Variants in SYT1 observed in about 807,000 individuals in gnomAD.
SYT1 encodes synaptotagmin 1.
A neutral mutation model predicts 44.8 loss-of-function variants in SYT1; 8 were observed. The observed-to-expected ratio is 0.18, with a 90% CI of 0.10 to 0.32. The LOEUF (loss-of-function observed/expected upper bound fraction) is 0.32, where lower values mean the gene tolerates loss of function less well. Ranked by LOEUF, SYT1 falls within the 10% of genes least tolerant of loss-of-function variation. The pLI is 1.00. For missense variants in SYT1, 286 were observed against 509.3 expected, an observed-to-expected ratio of 0.56 and a Z score of 4.22; for synonymous variants, 154 against 188.8, an observed-to-expected ratio of 0.82 and a Z score of 1.51.
intron 2 of SYT1, among the ~76,000 whole-genome samples, chr12:79,013,596 T>C (rs145549599): frequency 6.6e-6 from 1 of 152,188 alleles, no homozygotes; most frequent in South Asian, 2.1e-4. Flanking sequence ...TTTCACTATA[T>C]TTCCTGCGTT....
At chr12:78,878,638 A>G (rs1874297230) in intron 1 of SYT1, among the ~76,000 whole-genome samples, 1 of 151,794 alleles carries the variant, frequency 6.6e-6, no homozygotes, top group Admixed American at 6.6e-5. Context: ...AGAATTGAGT[A>G]CCATCTAGTT....
chr12:78,953,854 G>T (rs1049813869), intron 1 of SYT1, among the ~76,000 whole-genome samples: 1 of 151,972 alleles, frequency 6.6e-6, no homozygotes, highest in Non-Finnish European at 1.5e-5. Context: ...CACTAAACTG[G>T]TTTGCTTTGG....
chr12:79,185,566 A>G (rs1162796020), intron 3 of SYT1, among the ~76,000 whole-genome samples: 1 of 152,058 alleles, frequency 6.6e-6, no homozygotes, highest in African/African-American at 2.4e-5. Context: ...CATCTTTATT[A>G]GAGACAAAAG....
intron 8 of SYT1, among the ~76,000 whole-genome samples, chr12:79,351,247 ACT>A (rs1317378942): frequency 6.6e-6 from 1 of 152,096 alleles, no homozygotes; most frequent in Admixed American, 6.5e-5. Flanking sequence ...CTGTACAAAT[ACT>A]CTCTTCTGAA....
intron 1 of SYT1, among the ~76,000 whole-genome samples, chr12:78,896,424 A>G (rs1049835258): frequency 6.6e-6 from 1 of 151,832 alleles, no homozygotes; most frequent in African/African-American, 2.4e-5. Flanking sequence ...TCTGTTGAAC[A>G]AATGAGAAAA....
intron 3 of SYT1, among the ~76,000 whole-genome samples, chr12:79,187,717 C>CT (rs1260959990): frequency 2.0e-5 from 3 of 151,884 alleles, no homozygotes; most frequent in African/African-American, 7.3e-5. Context: ...TTTTCTTTTC[C>CT]TGAGAGGGCA....
intron 3 of SYT1, among the ~76,000 whole-genome samples, chr12:79,181,012 C>T (rs1376661603): frequency 2.0e-5 from 3 of 152,068 alleles, no homozygotes; most frequent in Non-Finnish European, 4.4e-5. Context: ...CTGCATTCTC[C>T]TTGCTGCCGC....
chr12:79,322,085 G>A (rs552344579), intron 8 of SYT1, among the ~76,000 whole-genome samples: 5 of 152,214 alleles, frequency 3.3e-5, no homozygotes, highest in African/African-American at 1.2e-4. Context: ...TCTGGTCAAT[G>A]TTCCCTAAGA....
At chr12:78,870,949 T>C (rs1323007604) in intron 1 of SYT1, among the ~76,000 whole-genome samples, 1 of 152,116 alleles carries the variant, frequency 6.6e-6, no homozygotes, top group African/African-American at 2.4e-5. Flanking sequence ...CTGAATCTTA[T>C]ATAATTTTAG....
intron 4 of SYT1, among the ~76,000 whole-genome samples, chr12:79,228,510 T>C (rs1875662168): frequency 6.6e-6 from 1 of 152,146 alleles, no homozygotes; most frequent in African/African-American, 2.4e-5. Flanking sequence ...CACTCTCCTT[T>C]CTTCCTCTTC....
intron 3 of SYT1, among the ~76,000 whole-genome samples, chr12:79,083,788 T>C (rs1338961601): frequency 2.6e-5 from 4 of 152,088 alleles, no homozygotes; most frequent in Non-Finnish European, 5.9e-5. Flanking sequence ...GGCAAAATAA[T>C]AGAAGAAGCT....
At chr12:79,448,802 C>G in intron 10 of SYT1, 116 bp from the exon 11 acceptor site, 1 of 874,812 alleles carries the variant, frequency 1.1e-6, no homozygotes, top group Admixed American at 2.2e-5. Flanking sequence ...CATCCTCATC[C>G]TAGTGCTTGG....
chr12:79,143,603 A>G (rs966630427), intron 3 of SYT1, among the ~76,000 whole-genome samples: 2 of 152,244 alleles, frequency 1.3e-5, no homozygotes, highest in Admixed American at 1.3e-4. Flanking sequence ...CCCACAACCC[A>G]GTCATTTTAT....
intron 8 of SYT1, among the ~76,000 whole-genome samples, chr12:79,338,645 T>G (rs1242932855): frequency 7.0e-6 from 1 of 142,714 alleles, no homozygotes; most frequent in East Asian, 2.3e-4. Context: ...TTACTTCCTT[T>G]CTTCCTTCCT....
At chr12:79,040,651 T>G (rs1484805993) in intron 2 of SYT1, among the ~76,000 whole-genome samples, 22 of 152,092 alleles carry the variant, frequency 1.4e-4, no homozygotes, top group African/African-American at 3.4e-4. Context: ...GTCAATTTTG[T>G]CTTTTGTTGC....
intron 4 of SYT1, among the ~76,000 whole-genome samples, chr12:79,221,509 G>A (rs1309461493): frequency 1.3e-5 from 2 of 151,770 alleles, no homozygotes; most frequent in Admixed American, 1.3e-4. Flanking sequence ...TTCCCTTGTG[G>A]CTAAATGATT....
At chr12:79,116,514 G>A (rs1366029525) in intron 3 of SYT1, among the ~76,000 whole-genome samples, 3 of 152,142 alleles carry the variant, frequency 2.0e-5, no homozygotes, top group African/African-American at 7.2e-5. Flanking sequence ...TCATAAGTGA[G>A]GAACTCACAG....
chr12:79,068,916 C>T (rs541463373), intron 3 of SYT1, among the ~76,000 whole-genome samples: 17 of 152,222 alleles, frequency 1.1e-4, no homozygotes, highest in Middle Eastern at 3.4e-3. Context: ...TCTAGCAAAT[C>T]AAATTTAAAA....
intron 3 of SYT1, among the ~76,000 whole-genome samples, chr12:79,146,172 G>A (rs1374110410): frequency 2.0e-5 from 3 of 152,176 alleles, no homozygotes; most frequent in Non-Finnish European, 4.4e-5. Context: ...AGAATGTACA[G>A]CCTGTGTCCT....
Sources: gnomAD v4.1 joint callset for allele counts (sites outside exome capture counted in the v4.1 genomes callset) on GRCh38, gnomAD v4.1.1 for gene constraint, MANE v1.5 for transcripts, NCBI Gene and HGNC (gene_info 2026-07-23, HGNC 2026-07-21) for gene names.